The following ANKRD30BL variants were observed in gnomAD, a reference collection of about 807,000 sequenced individuals.
The protein encoded by ANKRD30BL is putative ankyrin repeat domain-containing protein 30B-like.
In ANKRD30BL, 20 loss-of-function variants were observed where a neutral mutation model predicts 18.4. That is an observed-to-expected ratio of 1.09 (90% CI 0.77 to 1.58). The LOEUF is 1.58. ANKRD30BL is among the 40% of genes most tolerant of loss of function. The probability of loss-of-function intolerance (pLI) is 0.00; values close to 1 mark genes in which losing one functional copy is unlikely to be tolerated. For missense variants in ANKRD30BL, 224 were observed against 268.6 expected (o/e 0.83, Z 1.16); for synonymous variants, 72 against 100.9 (o/e 0.71, Z 1.72).
At chr2:132,174,098 G>A (rs999459744) in intron 1 of ANKRD30BL, among the ~76,000 whole-genome samples, 1 of 152,154 alleles carries the variant, frequency 6.6e-6, no homozygotes, top group Non-Finnish European at 1.5e-5. Flanking sequence ...CTCTAAAGGG[G>A]CCTTTCATTT....
intron 1 of ANKRD30BL, among the ~76,000 whole-genome samples, chr2:132,205,851 T>A (rs1444649682): frequency 6.6e-6 from 1 of 151,834 alleles, no homozygotes; most frequent in African/African-American, 2.4e-5. Flanking sequence ...ATGGTAATTG[T>A]TGAAATGAGA....
chr2:132,219,287 C>T (rs1293712871), intron 1 of ANKRD30BL, among the ~76,000 whole-genome samples: 3 of 148,730 alleles, frequency 2.0e-5, no homozygotes, highest in Non-Finnish European at 2.9e-5. Context: ...GGACTGCTTA[C>T]CAGCCTTCGC....
chr2:132,232,093 A>T (rs1033070621), intron 1 of ANKRD30BL, among the ~76,000 whole-genome samples: 20 of 152,196 alleles, frequency 1.3e-4, no homozygotes, highest in Non-Finnish European at 2.2e-4. Context: ...CTCACACGGC[A>T]GGGTATTCCA....
intron 1 of ANKRD30BL, among the ~76,000 whole-genome samples, chr2:132,179,569 A>G (rs9630936): frequency 2.6e-5 from 4 of 152,092 alleles, no homozygotes; most frequent in African/African-American, 9.7e-5. Context: ...CATTACAGGT[A>G]TGAGCCACCA....
chr2:132,187,416 G>C (rs1208006136), intron 1 of ANKRD30BL, among the ~76,000 whole-genome samples: 1 of 151,822 alleles, frequency 6.6e-6, no homozygotes, highest in Non-Finnish European at 1.5e-5. Context: ...GCTTCCTCAA[G>C]CGATTCTCTT....
intron 1 of ANKRD30BL, among the ~76,000 whole-genome samples, chr2:132,167,274 ATT>A (rs970703167): frequency 1.5e-5 from 2 of 135,884 alleles, no homozygotes; most frequent in African/African-American, 5.6e-5. Flanking sequence ...ACATTCATTT[ATT>A]TTTATTTTAT....
chr2:132,250,376 T>C (rs1288632831), intron 1 of ANKRD30BL, among the ~76,000 whole-genome samples: 2 of 152,254 alleles, frequency 1.3e-5, no homozygotes, highest in African/African-American at 2.4e-5. Context: ...AATATCCCTT[T>C]GCAGATTGTA....
At chr2:132,183,206 G>A (rs1245984055) in intron 1 of ANKRD30BL, among the ~76,000 whole-genome samples, 3 of 149,884 alleles carry the variant, frequency 2.0e-5, no homozygotes, top group Non-Finnish European at 4.4e-5. Context: ...ATCTCGGCTC[G>A]TTGTGACCTT....
chr2:132,229,714 G>C (rs1342770893), intron 1 of ANKRD30BL, among the ~76,000 whole-genome samples: 3 of 151,222 alleles, frequency 2.0e-5, no homozygotes, highest in Admixed American at 2.0e-4. Flanking sequence ...GATAGAGCGG[G>C]TTTGAAAAAC....
At chr2:132,219,128 G>A in intron 1 of ANKRD30BL, among the ~76,000 whole-genome samples, 1 of 151,602 alleles carries the variant, frequency 6.6e-6, no homozygotes, top group Non-Finnish European at 1.5e-5. Context: ...GGCCTATGGT[G>A]GAAAGGGGAG....
upstream of ANKRD30BL, among the ~76,000 whole-genome samples, chr2:132,164,663 T>C (rs1292995364): frequency 2.0e-5 from 3 of 152,202 alleles, no homozygotes; most frequent in Non-Finnish European, 2.9e-5. Context: ...TATACATTTG[T>C]AGTACTTTAG....
intron 1 of ANKRD30BL, among the ~76,000 whole-genome samples, chr2:132,234,950 A>C (rs923926580): frequency 1.3e-5 from 2 of 152,218 alleles, no homozygotes; most frequent in African/African-American, 4.8e-5. Flanking sequence ...AAATACTGGC[A>C]AAACGAATCC....
At chr2:132,213,120 T>C (rs1679399933) in intron 1 of ANKRD30BL, among the ~76,000 whole-genome samples, 1 of 147,210 alleles carries the variant, frequency 6.8e-6, no homozygotes. Context: ...TTTGGAGGTC[T>C]TTGAGGCCTA....
chr2:132,165,036 T>C (rs1440174235), upstream of ANKRD30BL, among the ~76,000 whole-genome samples: 1 of 152,028 alleles, frequency 6.6e-6, no homozygotes, highest in African/African-American at 2.4e-5. Context: ...ATCGTGCCAC[T>C]GCACTCCAGC....
chr2:132,194,286 A>T (rs898611854), intron 1 of ANKRD30BL, among the ~76,000 whole-genome samples: 4 of 152,156 alleles, frequency 2.6e-5, no homozygotes, highest in Non-Finnish European at 4.4e-5. Flanking sequence ...TGTTTGGACA[A>T]ATATGTGTGT....
At chr2:132,177,497 A>G (rs572130433) in intron 1 of ANKRD30BL, among the ~76,000 whole-genome samples, 1 of 152,328 alleles carries the variant, frequency 6.6e-6, no homozygotes, top group African/African-American at 2.4e-5. Flanking sequence ...AAATAAAGAG[A>G]AACTACAGGA....
chr2:132,255,875 C>T (rs533009771), intron 1 of ANKRD30BL, among the ~76,000 whole-genome samples: 26 of 152,212 alleles, frequency 1.7e-4, no homozygotes, highest in African/African-American at 4.8e-4. Flanking sequence ...CCACGGGGGG[C>T]GTGCGATTGG....
At chr2:132,207,053 A>T (rs547789673) in intron 1 of ANKRD30BL, among the ~76,000 whole-genome samples, 5 of 152,262 alleles carry the variant, frequency 3.3e-5, no homozygotes, top group Admixed American at 2.6e-4. Context: ...CTCATCTAGC[A>T]TATCATAATT....
At chr2:132,229,476 T>C (rs1679944894) in intron 1 of ANKRD30BL, among the ~76,000 whole-genome samples, 1 of 152,112 alleles carries the variant, frequency 6.6e-6, no homozygotes, top group Non-Finnish European at 1.5e-5. Context: ...ACTGTAGCTT[T>C]CTCAGAAACT....
Sources: allele counts gnomAD v4.1 joint callset (sites outside exome capture counted in the v4.1 genomes callset), GRCh38; gene constraint gnomAD v4.1.1; transcripts MANE v1.5; gene names NCBI Gene and HGNC (gene_info 2026-07-23, HGNC 2026-07-21).